Variants in RAD51 observed in about 807,000 individuals in gnomAD.
The protein encoded by RAD51 is DNA repair protein RAD51 homolog 1.
Under a neutral mutation model 41.5 loss-of-function variants are expected in RAD51, and 14 were observed. The observed-to-expected ratio is 0.34, with a 90% CI of 0.22 to 0.53. RAD51 has a LOEUF of 0.53. RAD51 is among the 20% of genes least tolerant of loss of function. RAD51 has a pLI of 0.95. For missense variants in RAD51, 234 were observed against 422.0 expected (o/e 0.55, Z 3.90); for synonymous variants, 136 against 148.6 (o/e 0.92, Z 0.62).
At chr15:40,712,060 A>G (rs1895731824) in intron 5 of RAD51, among the ~76,000 whole-genome samples, 1 of 149,178 alleles carries the variant, frequency 6.7e-6, no homozygotes, top group Admixed American at 6.8e-5. Flanking sequence ...CAACAGAGCA[A>G]GATTTTGTCT....
intron 6 of RAD51, among the ~76,000 whole-genome samples, chr15:40,725,651 T>C (rs889373890): frequency 3.9e-5 from 6 of 152,200 alleles, no homozygotes; most frequent in Non-Finnish European, 8.8e-5. Flanking sequence ...TCAGATCTAC[T>C]GAATCAGAAA....
intron 6 of RAD51, among the ~76,000 whole-genome samples, 199 bp from the exon 7 acceptor site, chr15:40,728,512 G>T (rs1896704364): frequency 6.6e-6 from 1 of 152,016 alleles, no homozygotes; most frequent in Admixed American, 6.6e-5. Context: ...TAGAGCTCCA[G>T]AGTAGTTGGG....
At chr15:40,708,339 C>T (rs969463655) in intron 4 of RAD51, among the ~76,000 whole-genome samples, 2 of 149,572 alleles carry the variant, frequency 1.3e-5, no homozygotes, top group African/African-American at 4.9e-5. Flanking sequence ...AGTGATTCTC[C>T]TGCTTCAGCC....
intron 4 of RAD51, among the ~76,000 whole-genome samples, chr15:40,708,603 A>G (rs1401373936): frequency 4.8e-5 from 7 of 144,796 alleles, no homozygotes; most frequent in African/African-American, 1.8e-4. Context: ...GTTTGTTTTG[A>G]AACAGGGTCT....
chr15:40,697,636 G>GGC (rs1481832738), intron 1 of RAD51, among the ~76,000 whole-genome samples: 2 of 133,336 alleles, frequency 1.5e-5, no homozygotes, highest in East Asian at 4.3e-4. Context: ...GGAGTGCAGT[G>GGC]GCGCGATCTT....
chr15:40,718,749 G>C, intron 5 of RAD51, 56 bp from the exon 6 acceptor site: 1 of 1,432,628 alleles, frequency 7.0e-7, no homozygotes, highest in Non-Finnish European at 9.8e-7. Context: ...GAGGAGCTTG[G>C]TCAGCTGTAT....
At position 40,708,231 on chromosome 15, in the gene RAD51, C is replaced by CTT. The variant is rs1222352292; in HGVS notation, c.344-777_344-776dup. Among the ~76,000 whole-genome samples the CTT allele has an allele frequency of 6.5e-4, 76 of 116,216 alleles. 2 individuals are homozygous for CTT. Among genetic ancestry groups the CTT allele is most frequent in the East Asian group, 1.2e-3 (5 of 4,084 alleles). 76.2% of individuals were successfully genotyped at this position (116,216 alleles called of 152,430 possible). On this transcript the variant is annotated intron_variant, in intron 4 of 9. Transcript: ENST00000267868. ...CAGGGTTTCACCATATTGTGCCCAG[C>CTT]TTTTTTTTTTTTTTTTTTGAGGAGT...
chr15:40,704,000 T>C (rs907968825), intron 3 of RAD51, among the ~76,000 whole-genome samples: 60 of 152,232 alleles, frequency 3.9e-4, no homozygotes, highest in African/African-American at 1.4e-3. Context: ...AACTCCTGGC[T>C]CAAACAAACC....
At chr15:40,700,372 A>T (rs1225118524) in intron 2 of RAD51, among the ~76,000 whole-genome samples, 1 of 152,242 alleles carries the variant, frequency 6.6e-6, no homozygotes, top group African/African-American at 2.4e-5. Flanking sequence ...TCATTGTTCA[A>T]CAAAAAGTAT....
intron 3 of RAD51, 137 bp downstream of exon 3, chr15:40,701,338 C>T (rs1160405954): frequency 4.1e-5 from 33 of 804,406 alleles, no homozygotes; most frequent in Admixed American, 1.1e-4. Context: ...TTACCTGTTT[C>T]TTTTCTTCTT....
intron 5 of RAD51, among the ~76,000 whole-genome samples, chr15:40,714,471 T>C (rs1483290258): frequency 6.6e-6 from 1 of 152,192 alleles, no homozygotes; most frequent in Non-Finnish European, 1.5e-5. Flanking sequence ...CACTCCAAAG[T>C]TGTACAAATA....
At chr15:40,700,812 A>G (rs541039271) in intron 2 of RAD51, among the ~76,000 whole-genome samples, 1 of 152,324 alleles carries the variant, frequency 6.6e-6, no homozygotes, top group South Asian at 2.1e-4. Context: ...AAAAAAGTAT[A>G]CAGGAGGATG....
intron 9 of RAD51, among the ~76,000 whole-genome samples, chr15:40,730,505 GA>G (rs1484660905): frequency 4.7e-5 from 5 of 105,642 alleles, no homozygotes; most frequent in East Asian, 4.0e-4. Flanking sequence ...ACACTGTCTT[GA>G]AAAAATTTTT....
chr15:40,710,241 CAAAAAAAAAAAAA>C (rs71104728), intron 5 of RAD51, among the ~76,000 whole-genome samples: 32 of 44,302 alleles, frequency 7.2e-4, no homozygotes, highest in African/African-American at 2.9e-3. Flanking sequence ...GACTCTGTCT[CAAAAAAAAAAAAA>C]AAAAAAAAAA....
chr15:40,709,371 CT>C (rs772005920), intron 5 of RAD51, among the ~76,000 whole-genome samples: 12,503 of 110,732 alleles, frequency 0.11, 503 homozygotes, highest in African/African-American at 0.24. Flanking sequence ...TTACTTGCTA[CT>C]TTTTTTTTTT....
rs11855560 is a variant in RAD51 at position 40,732,105 on chromosome 15, T to C, written c.*927T>C. 102,165 of 200,692 alleles carry C rather than the reference T, an allele frequency of 0.51. 27,437 individuals carry two copies. Among genetic ancestry groups the C allele is most frequent in the East Asian group, 0.83 (10,736 of 13,004 alleles). The allele number at this position is 200,692 out of a possible 1,614,324, so 12.4% of individuals were successfully genotyped here. ...TTCAAACAAGAAACATTTCAGAGGGTAAGTAAACAGATTTGATTGTGAGGC... is the reference window on the plus strand; with the variant it reads ...TTCAAACAAGAAACATTTCAGAGGGCAAGTAAACAGATTTGATTGTGAGGC... On this transcript the variant is annotated 3_prime_UTR_variant, in exon 10 of 10. Coordinates refer to ENST00000267868, the MANE Select transcript of RAD51 (RefSeq NM_002875.5).
At chr15:40,696,270 C>T (rs1198328611) in intron 1 of RAD51, among the ~76,000 whole-genome samples, 2 of 152,060 alleles carry the variant, frequency 1.3e-5, no homozygotes, top group African/African-American at 4.8e-5. Flanking sequence ...TATACAACTC[C>T]GTGAATTATT....
chr15:40,719,245 G>A (rs933055473), intron 6 of RAD51, among the ~76,000 whole-genome samples: 1 of 151,790 alleles, frequency 6.6e-6, no homozygotes. Context: ...TTTTAGTAGA[G>A]ATGGGGTTTC....
chr15:40,728,860 A>G lies in RAD51; in HGVS notation c.644+36A>G, dbSNP rs765581235. On this transcript the variant is annotated intron_variant, in intron 7 of 9. Coordinates refer to ENST00000267868, the MANE Select transcript of RAD51 (RefSeq NM_002875.5). ...AGTATAAGACACCAAATATGTTCTT[A>G]AGAGTCCTTCCCTGAATCTTGTAAT... 5.9e-6 allele frequency: 9 copies of G among 1,534,052 alleles called. No individual in the cohort carries two copies. In the East Asian group the frequency reaches 1.8e-4, roughly 31 times the overall value.
Sources: allele counts gnomAD v4.1 joint callset (sites outside exome capture counted in the v4.1 genomes callset), GRCh38; gene constraint gnomAD v4.1.1; transcripts MANE v1.5; gene names NCBI Gene and HGNC (gene_info 2026-07-23, HGNC 2026-07-21).